ABRA: variants seen among roughly 807,000 people sequenced by gnomAD.
ABRA encodes the protein actin-binding Rho-activating protein.
In ABRA, 25 loss-of-function variants were observed where a neutral mutation model predicts 33.4. The ratio of observed to expected loss-of-function variants is 0.75; its 90% CI spans 0.55 to 1.04. The LOEUF (loss-of-function observed/expected upper bound fraction) is 1.04. Among genes scored for constraint, ABRA ranks in the 50% least tolerant of loss-of-function variants. The pLI, the probability that ABRA is intolerant of heterozygous loss-of-function variation, is 0.00. For synonymous variants in ABRA, 193 were observed against 176.8 expected, an observed-to-expected ratio of 1.09 and a Z score of -0.73; for missense variants, 501 against 491.7, an observed-to-expected ratio of 1.02 and a Z score of -0.18.
In ABRA at chr8:106,761,336, C is replaced by G; in HGVS notation, c.847G>C (p.Asp283His). The stretch of plus-strand genomic sequence containing the variant: ...TCTTTGGGGCGGCCATAGCCCTCAT[C>G]TCCTTTGTGTAGGCGGGTGGACATG... ...LAMSTRLHKG[D>H]EGYGRPKEGT... The change falls in exon 2 of 2, where the codon GAT (aspartate) becomes CAT (histidine). Residue 283 changes from aspartate (D) to histidine (H), a missense_variant. Asp to His is a moderately conservative substitution (Grantham distance 81, BLOSUM62 -1). Coordinates refer to ENST00000311955, the MANE Select transcript of ABRA (RefSeq NM_139166.5). The G allele has an allele frequency of 6.2e-7, 1 of 1,614,202 alleles. No homozygotes were observed. The highest frequency in any genetic ancestry group is 2.2e-5 in the East Asian group (1 of 44,880).
At chr8:106,763,687 G>C (rs983829093) in intron 1 of ABRA, among the ~76,000 whole-genome samples, 3 of 152,164 alleles carry the variant, frequency 2.0e-5, no homozygotes, top group African/African-American at 7.2e-5. Context: ...CAAGCCCAAG[G>C]CCATCCTAGC....
At chr8:106,764,403 C>CTGGGA in intron 1 of ABRA, among the ~76,000 whole-genome samples, 1 of 152,268 alleles carries the variant, frequency 6.6e-6, no homozygotes. Flanking sequence ...CCTGTAATCC[C>CTGGGA]AGCACTTGGG....
intron 1 of ABRA, among the ~76,000 whole-genome samples, chr8:106,765,550 A>G (rs992105623): frequency 1.3e-5 from 2 of 152,128 alleles, no homozygotes; most frequent in African/African-American, 4.8e-5. Flanking sequence ...GTCCTTCCCT[A>G]CAGACAGTTT....
Position 106,760,986 on chromosome 8 carries a change from A to G in ABRA, c.*51T>C, listed in dbSNP as rs762130828. Reference sequence around the variant, plus strand: ...GCATTTTCATTTTACCTACATGAGCATTTAGCATTAAGACCATAGTGGGCC... The same window carrying G: ...GCATTTTCATTTTACCTACATGAGCGTTTAGCATTAAGACCATAGTGGGCC... On this transcript the variant is annotated 3_prime_UTR_variant, in exon 2 of 2. Coordinates refer to ENST00000311955, the MANE Select transcript of ABRA (RefSeq NM_139166.5). 1.0e-5 allele frequency: 15 copies of G among 1,490,418 alleles called. No individual in the cohort carries two copies. Among genetic ancestry groups the G allele is most frequent in the Non-Finnish European group, 1.3e-5 (14 of 1,083,404 alleles). 92.3% of individuals were successfully genotyped at this position (1,490,418 alleles called of 1,614,324 possible). A position where few individuals can be genotyped will look rare whatever the true frequency, so the allele number is the denominator to read the frequency against.
In ABRA at chr8:106,769,556, G is replaced by A. The variant is rs1810567473; in HGVS notation, c.635C>T (p.Ala212Val). ...CAAGGGGCGCTTGATCCTGACCACA[G>A]CCACCTGCACTCCATCCTGCTCGGG... is the stretch of plus-strand genomic sequence containing the variant. ...ERPEQDGVQV[A>V]VVRIKRPLPS... Residue 212 changes from alanine to valine, a missense_variant, in exon 1 of 2, where the codon GCT (alanine) becomes GTT (valine). Ala to Val is a moderately conservative substitution (Grantham distance 64). Coordinates refer to ENST00000311955, the MANE Select transcript of ABRA (RefSeq NM_139166.5). 1 of 1,613,960 alleles carries A rather than the reference G, an allele frequency of 6.2e-7. No individual in the cohort carries two copies. The highest frequency in any genetic ancestry group is 8.5e-7 in the Non-Finnish European group (1 of 1,179,954).
chr8:106,764,675 A>AC (rs1419207283), intron 1 of ABRA, among the ~76,000 whole-genome samples: 8 of 151,558 alleles, frequency 5.3e-5, no homozygotes, highest in East Asian at 3.9e-4. Context: ...AAACAAACAA[A>AC]AAAGACTGTA....
rs760987876 is a variant in ABRA at position 106,761,000 on chromosome 8, C to T, written c.*37G>A. The T allele has an allele frequency of 3.2e-6, 5 of 1,578,136 alleles. No individual in the cohort carries two copies. The highest frequency in any genetic ancestry group is 1.1e-5 in the South Asian group (1 of 87,430). ...CCTACATGAGCATTTAGCATTAAGA[C>T]CATAGTGGGCCAAATTTGGCTTTTG... On this transcript the variant is annotated 3_prime_UTR_variant, in exon 2 of 2. Coordinates refer to ENST00000311955, the MANE Select transcript of ABRA (RefSeq NM_139166.5).
At chr8:106,766,568 C>T (rs1836224712) in intron 1 of ABRA, among the ~76,000 whole-genome samples, 1 of 152,140 alleles carries the variant, frequency 6.6e-6, no homozygotes, top group African/African-American at 2.4e-5. Flanking sequence ...GTTTCCTGAG[C>T]ACAGCTAGGA....
chr8:106,762,758 G>A lies in ABRA; in HGVS notation c.669-1244C>T, dbSNP rs114998152. On this transcript the variant is annotated intron_variant, in intron 1 of 1. Transcript: ENST00000311955. The stretch of plus-strand genomic sequence containing the variant: ...TTGATAGGTGCAGCAAGCCACCATG[G>A]CACACATTTTTCTATGCAACAAACT... 5.5e-3 allele frequency among the ~76,000 whole-genome samples: 840 copies of A among 152,166 alleles called. 6 individuals carry two copies. The highest frequency in any genetic ancestry group is 0.018 in the African/African-American group (766 of 41,514).
chr8:106,769,070 C>T (rs1475941577), intron 1 of ABRA, among the ~76,000 whole-genome samples: 2 of 152,142 alleles, frequency 1.3e-5, no homozygotes, highest in Non-Finnish European at 2.9e-5. Flanking sequence ...ATTTGTATTC[C>T]ATGGGTGTTA....
intron 1 of ABRA, among the ~76,000 whole-genome samples, chr8:106,761,743 C>T (rs553234520): frequency 3.3e-5 from 5 of 152,200 alleles, no homozygotes; most frequent in African/African-American, 9.6e-5. Context: ...CTATGAATAA[C>T]GATTTTAAGC....
chr8:106,763,921 ATACT>A (rs1227834525), intron 1 of ABRA, among the ~76,000 whole-genome samples: 6 of 152,186 alleles, frequency 3.9e-5, no homozygotes, highest in African/African-American at 7.2e-5. Context: ...TTTATTTGTG[ATACT>A]TACTGTGTGC....
chr8:106,764,780 G>A (rs1836190563), intron 1 of ABRA, among the ~76,000 whole-genome samples: 1 of 152,096 alleles, frequency 6.6e-6, no homozygotes, highest in African/African-American at 2.4e-5. Context: ...GAACACCAAA[G>A]AAAGTTGGTC....
rs139287341 is a variant in ABRA at position 106,769,654 on chromosome 8, C to T, written c.537G>A (p.Gln179=). 5 of 1,614,214 alleles carry T rather than the reference C, an allele frequency of 3.1e-6. No homozygotes were observed. The African/African-American group carries it at 5.3e-5, about 17-fold the overall frequency. ...ELTKGWRVME[Q]EEPTWRSDSV... is the part of the protein sequence containing the mutation. ...TGTCACTCCTCCATGTGGGCTCCTC[C>T]TGCTCCATCACTCTCCAGCCCTTGG... is the stretch of plus-strand genomic sequence containing the variant. The change falls in exon 1 of 2, where the codon CAG becomes CAA. Residue 179 remains glutamine, a synonymous_variant. Transcript: ENST00000311955.
intron 1 of ABRA, among the ~76,000 whole-genome samples, chr8:106,761,825 TTTAAG>T (rs1836144593): frequency 6.6e-6 from 1 of 152,196 alleles, no homozygotes; most frequent in Non-Finnish European, 1.5e-5. Flanking sequence ...TGTGTATATC[TTTAAG>T]TTGAGTATTG....
chr8:106,766,430 A>G (rs1836222099), intron 1 of ABRA, among the ~76,000 whole-genome samples: 1 of 152,146 alleles, frequency 6.6e-6, no homozygotes, highest in African/African-American at 2.4e-5. Context: ...CAGGGAGAGA[A>G]GGGTGCCTAT....
intron 1 of ABRA, among the ~76,000 whole-genome samples, chr8:106,769,176 G>T (rs1331606826): frequency 1.3e-5 from 2 of 152,200 alleles, no homozygotes; most frequent in African/African-American, 4.8e-5. Context: ...TATCTCTAAA[G>T]AAATAAGCCA....
chr8:106,763,367 A>G (rs1184328128), intron 1 of ABRA, among the ~76,000 whole-genome samples: 2 of 152,244 alleles, frequency 1.3e-5, no homozygotes, highest in Non-Finnish European at 2.9e-5. Flanking sequence ...CTTTATACAC[A>G]TGGATAACAG....
rs191232631 is a variant in ABRA at position 106,769,860 on chromosome 8, T to C, written c.331A>G (p.Lys111Glu). 11 of 1,614,190 alleles carry C rather than the reference T, an allele frequency of 6.8e-6. No homozygotes were observed. The East Asian group carries it at 2.0e-4, about 29-fold the overall frequency. ...TCATAAGTCTTGCTGACCACCGTTT[T>C]GGACACCTCTTTCTTTTTGATGTGA... ...VSHIKKKEVS[K>E]TVVSKTYERG... Residue 111 changes from lysine to glutamate, a missense_variant, in exon 1 of 2, where the codon AAA becomes GAA. Transcript: ENST00000311955.
Sources: allele counts gnomAD v4.1 joint callset (sites outside exome capture counted in the v4.1 genomes callset), GRCh38; gene constraint gnomAD v4.1.1; transcripts MANE v1.5; gene names NCBI Gene and HGNC (gene_info 2026-07-23, HGNC 2026-07-21).